SH3RF3: variants seen among roughly 807,000 people sequenced by gnomAD.
SH3RF3 encodes SH3 domain containing ring finger 3.
Under a neutral mutation model 66.3 loss-of-function variants are expected in SH3RF3, and 29 were observed. That is an observed-to-expected ratio of 0.44 (90% confidence interval 0.33 to 0.60). The LOEUF is 0.60. Among genes scored for constraint, SH3RF3 ranks in the 20% least tolerant of loss-of-function variants. The probability of loss-of-function intolerance (pLI) is 0.04; values close to 1 mark genes in which losing one functional copy is unlikely to be tolerated. For synonymous variants in SH3RF3, 583 were observed against 532.0 expected (o/e 1.10, Z -1.32); for missense variants, 1,194 against 1,190.9 (o/e 1.00, Z -0.04).
In SH3RF3 at chr2:109,449,424, G is replaced by A. The variant is rs764117795; in HGVS notation, c.2083G>A (p.Gly695Ser). The A allele has an allele frequency of 1.1e-5, 17 of 1,613,788 alleles. No individual in the cohort carries two copies. Among genetic ancestry groups the A allele is most frequent in the African/African-American group, 2.7e-5 (2 of 74,926 alleles). Residue 695 changes from glycine to serine, a missense_variant, in exon 8 of 10, where the codon GGT (glycine) becomes AGT (serine). Transcript: ENST00000309415. ...CGGGGAGGCTGGAGGGGGGCCCATC[G>A]GTGTTCTGTCCACATCCAGCCCCAC... The part of the protein sequence containing the change: ...LNGEAGGGPI[G>S]VLSTSSPTNT...
In SH3RF3 at chr2:109,157,009, T is replaced by G. The variant is rs535445316; in HGVS notation, c.573+26896T>G. On this transcript the variant is annotated intron_variant, in intron 1 of 9. Coordinates refer to ENST00000309415, the MANE Select transcript of SH3RF3 (RefSeq NM_001099289.3). ...CTGAAATCACACATAAATGACATAT[T>G]ACTCCAGGTCATTTTTCCATCATAG... Among the ~76,000 whole-genome samples, 8 of 152,372 alleles carry G rather than the reference T, an allele frequency of 5.3e-5. No homozygotes were observed. In the South Asian group the frequency reaches 1.7e-3, roughly 32 times the overall value.
At chr2:109,269,808 C>A (rs904121131) in intron 1 of SH3RF3, among the ~76,000 whole-genome samples, 2 of 152,132 alleles carry the variant, frequency 1.3e-5, no homozygotes, top group African/African-American at 4.8e-5. Context: ...TACCAAGATA[C>A]TTGTGCATTT....
At chr2:109,197,888 C>G (rs913536687) in intron 1 of SH3RF3, among the ~76,000 whole-genome samples, 1 of 152,244 alleles carries the variant, frequency 6.6e-6, no homozygotes, top group African/African-American at 2.4e-5. Flanking sequence ...ACTGCACTTG[C>G]CTTTTGCATC....
Position 109,419,626 on chromosome 2 carries a change from C to T in SH3RF3, c.1387C>T (p.Gln463Ter), listed in dbSNP as rs1225268535. 6.3e-7 allele frequency: 1 copy of T among 1,583,708 alleles called. No homozygotes were observed. Among genetic ancestry groups the T allele is most frequent in the Non-Finnish European group, 8.6e-7 (1 of 1,166,532 alleles). Reference sequence around the variant, plus strand: ...AGAGCAGGGCACGCCTCCCAAGGTCCAGCTGCCCCTCAACGTGTGAGCTGC... The same window carrying T: ...AGAGCAGGGCACGCCTCCCAAGGTCTAGCTGCCCCTCAACGTGTGAGCTGC... ...SGEQGTPPKVQLPLNVYLALY... is the reference protein window; with the variant it reads ...SGEQGTPPKV The change falls in exon 5 of 10, where the codon CAG (glutamine) becomes TAG (stop). Residue 463 changes from glutamine (Q) to a stop codon, truncating the protein, a stop_gained. Coordinates refer to ENST00000309415, the MANE Select transcript of SH3RF3 (RefSeq NM_001099289.3). LOFTEE classifies it high-confidence loss of function.
intron 1 of SH3RF3, chr2:109,313,511 C>G (rs1462502774): frequency 1.9e-5 from 3 of 154,864 alleles, no homozygotes; most frequent in Admixed American, 1.3e-4. Flanking sequence ...GAGCGCTGTA[C>G]CAGTTGGTCA....
At chr2:109,193,322 CCATT>C (rs1678415462) in intron 1 of SH3RF3, among the ~76,000 whole-genome samples, 1 of 152,150 alleles carries the variant, frequency 6.6e-6, no homozygotes, top group African/African-American at 2.4e-5. Context: ...GTGAATTCAT[CCATT>C]CAAAGTGTAC....
chr2:109,388,535 G>C (rs977537068), intron 3 of SH3RF3, among the ~76,000 whole-genome samples: 1 of 152,226 alleles, frequency 6.6e-6, no homozygotes, highest in African/African-American at 2.4e-5. Flanking sequence ...GTGAGTTACA[G>C]CTCTGTAGAG....
At chr2:109,198,574 G>T (rs966572799) in intron 1 of SH3RF3, among the ~76,000 whole-genome samples, 2 of 152,182 alleles carry the variant, frequency 1.3e-5, no homozygotes, top group South Asian at 2.1e-4. Flanking sequence ...CCTGGAGGTG[G>T]GAAGTTCAAG....
intron 2 of SH3RF3, among the ~76,000 whole-genome samples, chr2:109,365,715 A>G (rs1683140776): frequency 6.6e-6 from 1 of 152,208 alleles, no homozygotes; most frequent in Admixed American, 6.5e-5. Flanking sequence ...CTTCTTATCA[A>G]GGAACATTTA....
intron 1 of SH3RF3, among the ~76,000 whole-genome samples, chr2:109,256,016 A>G (rs574629483): frequency 6.6e-6 from 1 of 152,128 alleles, no homozygotes; most frequent in Non-Finnish European, 1.5e-5. Context: ...ATGTAAATGT[A>G]CATACTCTCT....
At chr2:109,298,117 G>T (rs1010941333) in intron 1 of SH3RF3, among the ~76,000 whole-genome samples, 1 of 152,200 alleles carries the variant, frequency 6.6e-6, no homozygotes, top group Non-Finnish European at 1.5e-5. Context: ...GGGATGCAGA[G>T]GTGAATAGGG....
At chr2:109,425,532 G>A (rs906362095) in intron 5 of SH3RF3, among the ~76,000 whole-genome samples, 1 of 152,208 alleles carries the variant, frequency 6.6e-6, no homozygotes, top group East Asian at 1.9e-4. Flanking sequence ...TCTAAGTGAA[G>A]CCAGTGTTCA....
At chr2:109,475,882 A>G (rs904817773) in intron 8 of SH3RF3, among the ~76,000 whole-genome samples, 7 of 152,168 alleles carry the variant, frequency 4.6e-5, no homozygotes, top group African/African-American at 1.2e-4. Flanking sequence ...TAAGCAACTC[A>G]TTTCTCTTTC....
intron 1 of SH3RF3, among the ~76,000 whole-genome samples, chr2:109,320,598 C>G (rs1273960072): frequency 6.6e-6 from 1 of 152,214 alleles, no homozygotes; most frequent in Non-Finnish European, 1.5e-5. Flanking sequence ...TGTCTAAACC[C>G]TCTGCTTACT....
Position 109,340,813 on chromosome 2 carries a change from G to A in SH3RF3, c.574-6861G>A, listed in dbSNP as rs528835789. ...TAAGCCCAAGGTACTTTGTCAAAAG[G>A]TGCATTCTAAGGCCACCACAGATGA... On this transcript the variant is annotated intron_variant, in intron 1 of 9. Coordinates refer to ENST00000309415, the MANE Select transcript of SH3RF3 (RefSeq NM_001099289.3). Among the ~76,000 whole-genome samples the A allele has an allele frequency of 2.6e-5, 4 of 152,246 alleles. No homozygotes were observed. In the South Asian group the frequency reaches 6.2e-4, roughly 24 times the overall value.
intron 1 of SH3RF3, among the ~76,000 whole-genome samples, chr2:109,138,173 G>A (rs1033447737): frequency 6.6e-6 from 1 of 152,088 alleles, no homozygotes; most frequent in Non-Finnish European, 1.5e-5. Context: ...GCACCACCAC[G>A]CCCGGCTAAC....
chr2:109,281,716 A>G (rs1232725757), intron 1 of SH3RF3, among the ~76,000 whole-genome samples: 4 of 152,264 alleles, frequency 2.6e-5, no homozygotes, highest in African/African-American at 9.6e-5. Context: ...AAGAGTCCGT[A>G]TCTGATTTCC....
chr2:109,298,637 G>A (rs750564761), intron 1 of SH3RF3, among the ~76,000 whole-genome samples: 33 of 152,054 alleles, frequency 2.2e-4, no homozygotes, highest in Non-Finnish European at 3.7e-4. Context: ...AATGCTCCTC[G>A]GAGCACACCC....
intron 1 of SH3RF3, among the ~76,000 whole-genome samples, chr2:109,278,081 G>A (rs142500661): frequency 6.6e-6 from 1 of 152,046 alleles, no homozygotes; most frequent in African/African-American, 2.4e-5. Context: ...GAAGGCTGAG[G>A]TGGGAGGATG....
Sources: allele counts gnomAD v4.1 joint callset (sites outside exome capture counted in the v4.1 genomes callset), GRCh38; gene constraint gnomAD v4.1.1; transcripts MANE v1.5; gene names NCBI Gene and HGNC (gene_info 2026-07-23, HGNC 2026-07-21).